DENND2B: variants seen among roughly 807,000 people sequenced by gnomAD.
DENND2B encodes DENN domain-containing protein 2B.
DENND2B carries 32 observed loss-of-function variants against 116.0 expected under a neutral mutation model. The ratio of observed to expected loss-of-function variants is 0.28; its 90% CI spans 0.21 to 0.37. The LOEUF is 0.37. Ranked by LOEUF, DENND2B falls within the 10% of genes least tolerant of loss-of-function variation. The pLI, the probability that DENND2B is intolerant of heterozygous loss-of-function variation, is 1.00. For missense variants in DENND2B, 1,276 were observed against 1,477.7 expected (o/e 0.86, Z 2.24); for synonymous variants, 588 against 583.9 (o/e 1.01, Z -0.10).
At chr11:8,779,667 C>A (rs1440818096) in intron 1 of DENND2B, among the ~76,000 whole-genome samples, 1 of 152,062 alleles carries the variant, frequency 6.6e-6, no homozygotes, top group Non-Finnish European at 1.5e-5. Flanking sequence ...GCATGCACCA[C>A]CACACCGGCT....
rs200184573 is a variant in DENND2B, at chr11:8,782,140, C to T, written c.-26+28377G>A. 4.6e-5 allele frequency among the ~76,000 whole-genome samples: 7 copies of T among 152,282 alleles called. No homozygotes were observed. In the East Asian group the frequency reaches 1.3e-3, roughly 29 times the overall value. On this transcript the variant is annotated intron_variant, in intron 1 of 19. Transcript: ENST00000313726. ...GTAATACACAAAAATTAGACTTTAACCATTTCTCACTGCCATATAATGGTG... is the reference window on the plus strand; with the variant it reads ...GTAATACACAAAAATTAGACTTTAATCATTTCTCACTGCCATATAATGGTG...
chr11:8,822,889 C>A (rs2134550864), intron 4 of DENND2B, among the ~76,000 whole-genome samples: 1 of 152,256 alleles, frequency 6.6e-6, no homozygotes, highest in Non-Finnish European at 1.5e-5. Context: ...TAATCAATAT[C>A]ATAGGCAAAA....
chr11:8,887,843 G>C lies in DENND2B; in HGVS notation c.-255-6734C>G, dbSNP rs570059963. On this transcript the variant is annotated intron_variant, in intron 1 of 22. Transcript: ENST00000534127. ...ACAATTTGAGCCACCTCAACCCTGA[G>C]GTCCCTCCCCATGATCCACAACCAC... Among the ~76,000 whole-genome samples, 24 of 152,272 alleles carry C rather than the reference G, an allele frequency of 1.6e-4. No individual in the cohort carries two copies. The South Asian group carries it at 5.0e-3, about 32-fold the overall frequency.
At chr11:8,770,277 G>C (rs893102713) in intron 1 of DENND2B, among the ~76,000 whole-genome samples, 3 of 152,118 alleles carry the variant, frequency 2.0e-5, no homozygotes, top group Non-Finnish European at 4.4e-5. Flanking sequence ...AAATGCAAAA[G>C]GTATCTTCTC....
intron 1 of DENND2B, among the ~76,000 whole-genome samples, chr11:8,760,409 G>A (rs1222822705): frequency 2.0e-5 from 3 of 152,126 alleles, no homozygotes; most frequent in Non-Finnish European, 4.4e-5. Context: ...TTTGAGCCCA[G>A]GAGTTTGAGA....
chr11:8,696,686 C>T lies in DENND2B; in HGVS notation c.3053-20G>A, dbSNP rs763582695. Reference sequence around the variant, plus strand: ...TACATTCTGGAAGGGAAAAGACAATCTTTGAGGTTCAGGTCAAGAGCCTGC... The same window carrying T: ...TACATTCTGGAAGGGAAAAGACAATTTTTGAGGTTCAGGTCAAGAGCCTGC... On this transcript the variant is annotated intron_variant, in intron 17 of 19. Coordinates refer to ENST00000313726, the MANE Select transcript of DENND2B (RefSeq NM_213618.2). 3 of 1,612,416 alleles carry T rather than the reference C, an allele frequency of 1.9e-6. No individual in the cohort carries two copies. In the Admixed American group the frequency reaches 5.0e-5, roughly 27 times the overall value.
intron 1 of DENND2B, among the ~76,000 whole-genome samples, chr11:8,806,709 G>T (rs1043856230): frequency 6.6e-6 from 1 of 150,484 alleles, no homozygotes; most frequent in Admixed American, 6.6e-5. Flanking sequence ...ACAATATTAC[G>T]TGGCATATTC....
chr11:8,822,421 G>A (rs1481858343), intron 4 of DENND2B, among the ~76,000 whole-genome samples: 3 of 152,172 alleles, frequency 2.0e-5, no homozygotes, highest in African/African-American at 7.2e-5. Context: ...ATTAACTATA[G>A]TCACTATGCT....
rs1463954964 is a variant in DENND2B at position 8,718,119 on chromosome 11, C to T, written c.1478-227G>A. On this transcript the variant is annotated intron_variant, in intron 4 of 19. Transcript: ENST00000313726. ...CCACCCCCCCACCCCCCCCAACCCC[C>T]CACCCCCAGCCCAGCTCAGCCTGGC... The T allele has an allele frequency of 1.0e-5, 3 of 293,772 alleles. 1 individual carries two copies. The East Asian group carries it at 2.8e-4, about 27-fold the overall frequency. The allele number at this position is 293,772 out of a possible 1,614,324, so 18.2% of individuals were successfully genotyped here.
chr11:8,803,299 C>T (rs926032034), intron 1 of DENND2B, among the ~76,000 whole-genome samples: 7 of 152,136 alleles, frequency 4.6e-5, no homozygotes, highest in African/African-American at 1.2e-4. Flanking sequence ...GCAGGAGAAT[C>T]GCTAGAACCC....
intron 2 of DENND2B, among the ~76,000 whole-genome samples, chr11:8,731,642 C>A (rs2048146031): frequency 6.6e-6 from 1 of 152,134 alleles, no homozygotes; most frequent in Non-Finnish European, 1.5e-5. Flanking sequence ...TTGAGCCCAG[C>A]AGTTCAAGAC....
intron 4 of DENND2B, chr11:8,718,846 C>G (rs965504974): frequency 5.0e-6 from 5 of 997,578 alleles, no homozygotes; most frequent in Non-Finnish European, 6.0e-6. Context: ...CTCCTGCCCC[C>G]ACCCCTCCAA....
chr11:8,742,922 G>A (rs1382782012), intron 2 of DENND2B, among the ~76,000 whole-genome samples: 1 of 152,142 alleles, frequency 6.6e-6, no homozygotes, highest in African/African-American at 2.4e-5. Context: ...AAATTAGCCA[G>A]GCATGGTGGT....
upstream of DENND2B, among the ~76,000 whole-genome samples, chr11:8,872,889 A>C (rs1349406187): frequency 6.6e-6 from 1 of 152,240 alleles, no homozygotes; most frequent in African/African-American, 2.4e-5. Context: ...CTCCAAACTC[A>C]CAATCTAAGT....
intron 4 of DENND2B, among the ~76,000 whole-genome samples, chr11:8,837,726 C>G (rs982587232): frequency 6.6e-6 from 1 of 152,172 alleles, no homozygotes. Flanking sequence ...ATCATACCAC[C>G]CTCAGGGTAC....
At chr11:8,696,356 C>T in intron 18 of DENND2B, 71 bp downstream of exon 18, 1 of 1,581,600 alleles carries the variant, frequency 6.3e-7, no homozygotes, top group Admixed American at 1.8e-5. Context: ...GAGCTTCCAT[C>T]ATAGTGCCTG....
chr11:8,871,134 G>C (rs985191069), intron 1 of DENND2B: 1 of 152,160 alleles, frequency 6.6e-6, no homozygotes, highest in African/African-American at 2.4e-5. Flanking sequence ...AGTGGAGGGG[G>C]CGTGGAGGAT....
At chr11:8,907,932 C>G (rs1277607153) in intron 1 of DENND2B, among the ~76,000 whole-genome samples, 1 of 152,102 alleles carries the variant, frequency 6.6e-6, no homozygotes, top group East Asian at 1.9e-4. Flanking sequence ...AAACTCCTGG[C>G]CTCAAGTAAT....
Position 8,724,061 on chromosome 11 carries a change from C to A in DENND2B, c.1477+2012G>T, listed in dbSNP as rs941987673. Among the ~76,000 whole-genome samples, 5 of 152,166 alleles carry A rather than the reference C, an allele frequency of 3.3e-5. 1 individual carries two copies. Among genetic ancestry groups the A allele is most frequent in the Non-Finnish European group, 1.5e-5 (1 of 68,002 alleles). On this transcript the variant is annotated intron_variant, in intron 4 of 19. Coordinates refer to ENST00000313726, the MANE Select transcript of DENND2B (RefSeq NM_213618.2). ...CTATAATCCCAGAACTTTGGGAGAC[C>A]GAGGCAGGCGGATCATGAAGCCAGG...
Sources: gnomAD v4.1 joint callset for allele counts (sites outside exome capture counted in the v4.1 genomes callset) on GRCh38, gnomAD v4.1.1 for gene constraint, MANE v1.5 for transcripts, NCBI Gene and HGNC (gene_info 2026-07-23, HGNC 2026-07-21) for gene names.